The following NELL2 variants were observed in gnomAD, a reference collection of about 807,000 sequenced individuals.
NELL2 encodes the protein protein kinase C-binding protein NELL2.
NELL2 carries 41 observed loss-of-function variants against 109.6 expected under a neutral mutation model. The ratio of observed to expected loss-of-function variants is 0.37; its 90% confidence interval spans 0.29 to 0.49. The LOEUF (loss-of-function observed/expected upper bound fraction) is 0.49, where lower values mean the gene tolerates loss of function less well. Ranked by LOEUF, NELL2 falls within the 20% of genes least tolerant of loss-of-function variation. The probability of loss-of-function intolerance (pLI) is 0.98; values close to 1 mark genes in which losing one functional copy is unlikely to be tolerated. For synonymous variants in NELL2, 355 were observed against 344.7 expected, an observed-to-expected ratio of 1.03 and a Z score of -0.33; for missense variants, 900 against 1,008.3, an observed-to-expected ratio of 0.89 and a Z score of 1.45.
At chr12:44,609,185 A>G (rs557369834) in intron 14 of NELL2, among the ~76,000 whole-genome samples, 1 of 152,088 alleles carries the variant, frequency 6.6e-6, no homozygotes, top group East Asian at 1.9e-4. Flanking sequence ...TCTACACTCA[A>G]GCAATCCATC....
intron 12 of NELL2, among the ~76,000 whole-genome samples, chr12:44,689,607 A>G (rs1246680414): frequency 1.3e-5 from 2 of 152,198 alleles, no homozygotes; most frequent in African/African-American, 4.8e-5. Context: ...GTAACAATAG[A>G]TACTTGGGGT....
chr12:44,742,865 G>A (rs184594484), intron 9 of NELL2, among the ~76,000 whole-genome samples: 1 of 152,156 alleles, frequency 6.6e-6, no homozygotes, highest in Non-Finnish European at 1.5e-5. Flanking sequence ...GAACCAAGTT[G>A]GAAAACACGA....
intron 19 of NELL2, among the ~76,000 whole-genome samples, chr12:44,516,627 T>A (rs1378713087): frequency 6.6e-6 from 1 of 152,206 alleles, no homozygotes; most frequent in East Asian, 1.9e-4. Flanking sequence ...TGTTTATTTA[T>A]CCTTTGCAGA....
At chr12:44,541,250 C>CAA (rs3071951) in intron 15 of NELL2, among the ~76,000 whole-genome samples, 29,075 of 78,444 alleles carry the variant, frequency 0.37, 6,275 homozygotes, top group East Asian at 0.62. Flanking sequence ...GACTCCATCT[C>CAA]AAAAAAAAAA....
chr12:44,758,708 G>C (rs752122407), intron 9 of NELL2, among the ~76,000 whole-genome samples: 1 of 152,100 alleles, frequency 6.6e-6, no homozygotes, highest in South Asian at 2.1e-4. Flanking sequence ...TATAAACTCA[G>C]TTCAGCTTTC....
At chr12:44,655,442 CT>C (rs1365930371) in intron 13 of NELL2, among the ~76,000 whole-genome samples, 1 of 152,200 alleles carries the variant, frequency 6.6e-6, no homozygotes, top group Non-Finnish European at 1.5e-5. Context: ...AGCTTTTCAT[CT>C]TTAAAAAAGG....
chr12:44,743,575 C>G (rs1025443779), intron 9 of NELL2, among the ~76,000 whole-genome samples: 1 of 152,024 alleles, frequency 6.6e-6, no homozygotes, highest in Non-Finnish European at 1.5e-5. Context: ...CAGAGACACA[C>G]AAAGGCTCAA....
intron 13 of NELL2, among the ~76,000 whole-genome samples, chr12:44,650,807 T>A (rs923645944): frequency 6.6e-6 from 1 of 152,144 alleles, no homozygotes; most frequent in Non-Finnish European, 1.5e-5. Flanking sequence ...AAAGGCCACA[T>A]GAGGACACAG....
chr12:44,883,567 T>C (rs974670718), intron 1 of NELL2, among the ~76,000 whole-genome samples: 3 of 152,188 alleles, frequency 2.0e-5, no homozygotes, highest in Admixed American at 1.3e-4. Context: ...TGTAGACATC[T>C]TTGGGACTCC....
In NELL2 at chr12:44,920,915, C is replaced by T. The variant is rs1408767468; in HGVS notation, c.-32+875G>A. Among the ~76,000 whole-genome samples the T allele has an allele frequency of 3.9e-5, 6 of 152,192 alleles. No individual in the cohort carries two copies. The East Asian group carries it at 1.2e-3, about 29-fold the overall frequency. ...GTCTGTCTGTTGCTCAAATGAATACCTCCCTCATTTATTGACTGATGGCTG... is the reference window on the plus strand; with the variant it reads ...GTCTGTCTGTTGCTCAAATGAATACTTCCCTCATTTATTGACTGATGGCTG... On this transcript the variant is annotated intron_variant, in intron 1 of 9. Transcript: ENST00000552993.
chr12:44,768,719 G>A (rs7955528), intron 9 of NELL2, among the ~76,000 whole-genome samples: 33,817 of 151,920 alleles, frequency 0.22, 3,969 homozygotes, highest in South Asian at 0.27. Context: ...CATCTGATAC[G>A]TAAAACAACA....
chr12:44,652,163 C>T (rs1399481211), intron 13 of NELL2, among the ~76,000 whole-genome samples: 1 of 152,144 alleles, frequency 6.6e-6, no homozygotes, highest in Non-Finnish European at 1.5e-5. Flanking sequence ...TCTCAACAAT[C>T]CTGCATTCTG....
At chr12:44,904,228 C>A (rs1265416071) in intron 1 of NELL2, among the ~76,000 whole-genome samples, 5 of 151,822 alleles carry the variant, frequency 3.3e-5, no homozygotes, top group Non-Finnish European at 7.4e-5. Flanking sequence ...TTGTATAAAA[C>A]AACTGAAATA....
At chr12:44,681,097 A>C (rs1948482532) in intron 12 of NELL2, among the ~76,000 whole-genome samples, 1 of 151,066 alleles carries the variant, frequency 6.6e-6, no homozygotes, top group Non-Finnish European at 1.5e-5. Flanking sequence ...AGATGAGATA[A>C]GAAATTTCTT....
upstream of NELL2, among the ~76,000 whole-genome samples, chr12:44,879,031 G>A (rs939432854): frequency 6.6e-6 from 1 of 152,096 alleles, no homozygotes; most frequent in Non-Finnish European, 1.5e-5. Context: ...ATATAATCAC[G>A]AGGGCCCTTA....
chr12:44,615,980 TAA>T (rs1170519385), intron 13 of NELL2, among the ~76,000 whole-genome samples: 1 of 152,164 alleles, frequency 6.6e-6, no homozygotes, highest in Non-Finnish European at 1.5e-5. Context: ...TGCCCGCACT[TAA>T]AAGTCTCTTG....
chr12:44,845,295 G>A (rs1944338678), intron 2 of NELL2, among the ~76,000 whole-genome samples: 1 of 152,156 alleles, frequency 6.6e-6, no homozygotes, highest in Admixed American at 6.5e-5. Context: ...TGCTAATCAA[G>A]TATTATAATT....
chr12:44,876,078 A>C lies in NELL2; in HGVS notation c.-209T>G. ...GAAGAACTTAGACCCTCCAATGCGC[A>C]CATCATTCCCACACGCAGGGCCGAG... On this transcript the variant is annotated 5_prime_UTR_variant, in exon 1 of 20. Coordinates refer to ENST00000429094, the MANE Select transcript of NELL2 (RefSeq NM_001145108.2). 1.4e-6 allele frequency: 2 copies of C among 1,401,086 alleles called. No homozygotes were observed. The highest frequency in any genetic ancestry group is 2.6e-5 in the East Asian group (1 of 38,204). 86.8% of individuals were successfully genotyped at this position (1,401,086 alleles called of 1,614,324 possible).
Position 44,876,232 on chromosome 12 carries a change from G to A in NELL2, c.-363C>T. ...CTCGCACACCCGGTAGAAGGGGGGC[G>A]GCCCCAAGAAAGCCCGGGCTGGGGC... is the stretch of plus-strand genomic sequence containing the variant. On this transcript the variant is annotated 5_prime_UTR_variant, in exon 1 of 20. Coordinates refer to ENST00000429094, the MANE Select transcript of NELL2 (RefSeq NM_001145108.2). The A allele has an allele frequency of 8.5e-7, 1 of 1,170,374 alleles. No homozygotes were observed. Among genetic ancestry groups the A allele is most frequent in the Non-Finnish European group, 1.1e-6 (1 of 946,448 alleles). The allele number at this position is 1,170,374 out of a possible 1,614,324, so 72.5% of individuals were successfully genotyped here.
Sources: allele counts gnomAD v4.1 joint callset (sites outside exome capture counted in the v4.1 genomes callset), GRCh38; gene constraint gnomAD v4.1.1; transcripts MANE v1.5; gene names NCBI Gene and HGNC (gene_info 2026-07-23, HGNC 2026-07-21).